PKP4: variants seen among roughly 807,000 people sequenced by gnomAD.
The protein encoded by PKP4 is plakophilin 4, also known as plakophilin-4.
PKP4 carries 90 observed loss-of-function variants against 145.1 expected under a neutral mutation model. The ratio of observed to expected loss-of-function variants is 0.62; its 90% confidence interval spans 0.52 to 0.74. The LOEUF (loss-of-function observed/expected upper bound fraction) is 0.74, where lower values mean the gene tolerates loss of function less well. Among genes scored for constraint, PKP4 ranks in the 30% least tolerant of loss-of-function variants. The pLI, the probability that PKP4 is intolerant of heterozygous loss-of-function variation, is 0.00. For synonymous variants in PKP4, 563 were observed against 577.2 expected (o/e 0.98, Z 0.35); for missense variants, 1,340 against 1,482.7 (o/e 0.90, Z 1.58).
At chr2:158,544,960 T>G (rs1307486605) in intron 2 of PKP4, among the ~76,000 whole-genome samples, 1 of 152,028 alleles carries the variant, frequency 6.6e-6, no homozygotes, top group Non-Finnish European at 1.5e-5. Flanking sequence ...TTCACAGGAC[T>G]AGGATTTGGT....
At chr2:158,532,222 A>AT (rs1307348913) in intron 1 of PKP4, among the ~76,000 whole-genome samples, 1 of 152,214 alleles carries the variant, frequency 6.6e-6, no homozygotes, top group African/African-American at 2.4e-5. Flanking sequence ...GTTGAGAAAA[A>AT]TATTTATAGT....
At chr2:158,618,564 TC>T (rs2051875480) in intron 4 of PKP4, among the ~76,000 whole-genome samples, 1 of 152,222 alleles carries the variant, frequency 6.6e-6, no homozygotes. Context: ...CAGTATGGAA[TC>T]ACATATCTCA....
At chr2:158,504,077 CCTTT>C (rs1308698189) in intron 1 of PKP4, among the ~76,000 whole-genome samples, 2 of 149,320 alleles carry the variant, frequency 1.3e-5, no homozygotes, top group Non-Finnish European at 3.0e-5. Context: ...TTTTAACTTC[CCTTT>C]CTTGTTGTTC....
At chr2:158,462,385 AAAG>A in intron 1 of PKP4, among the ~76,000 whole-genome samples, 1 of 151,466 alleles carries the variant, frequency 6.6e-6, no homozygotes, top group Non-Finnish European at 1.5e-5. Context: ...AAGAAAAAAA[AAAG>A]AACAAAAAAC....
intron 1 of PKP4, among the ~76,000 whole-genome samples, chr2:158,506,510 T>C (rs1313113645): frequency 6.6e-6 from 1 of 152,176 alleles, no homozygotes; most frequent in Non-Finnish European, 1.5e-5. Context: ...CACAAAAATG[T>C]TTAGATATGT....
rs762745688 is a variant in PKP4, at chr2:158,621,414, T to G, written c.596T>G (p.Leu199Arg). 3.7e-6 allele frequency: 6 copies of G among 1,613,800 alleles called. No homozygotes were observed. The South Asian group carries it at 5.5e-5, about 15-fold the overall frequency. ...VRNSRAEGQT[L>R]VQPSVANRAM... The stretch of plus-strand genomic sequence containing the variant: ...AATTCAAGAGCTGAAGGACAAACAC[T>G]GGTTCAGGTAAGCCAAACGCATCAA... Residue 199 changes from leucine (L) to arginine (R), a missense_variant, in exon 6 of 22, where the codon CTG (leucine) becomes CGG (arginine). Transcript: ENST00000389759.
In PKP4 at chr2:158,625,421, C is replaced by T; in HGVS notation, c.1147C>T (p.Leu383=). ...ERMVPPRPDS[L]TGLRSSYASQ... ...GATGGTTCCACCCAGGCCAGACAGC[C>T]TGACAGGTGCGTACAAGGTGACAGT... is the stretch of plus-strand genomic sequence containing the variant. The change falls in exon 7 of 22, where the codon CTG becomes TTG. Residue 383 remains leucine, a synonymous_variant. Transcript: ENST00000389759. 6.2e-7 allele frequency: 1 copy of T among 1,608,420 alleles called. No individual in the cohort carries two copies. Among genetic ancestry groups the T allele is most frequent in the Non-Finnish European group, 8.5e-7 (1 of 1,175,764 alleles).
In PKP4 at chr2:158,663,195, C is replaced by T. The variant is rs865884808; in HGVS notation, c.2404-77C>T. 1.6e-5 allele frequency: 24 copies of T among 1,528,550 alleles called. No individual in the cohort carries two copies. In the South Asian group the frequency reaches 2.3e-4, roughly 15 times the overall value. The allele number at this position is 1,528,550 out of a possible 1,614,324, so 94.7% of individuals were successfully genotyped here. ...TTTCTGCATAGCTATAGCTGAGTCC[C>T]GCAAAGGTGAATGTTTTCAAGTATT... On this transcript the variant is annotated intron_variant, in intron 14 of 21. Coordinates refer to ENST00000389759, the MANE Select transcript of PKP4 (RefSeq NM_003628.6).
At chr2:158,588,298 C>G (rs1472430171) in intron 3 of PKP4, 1 of 152,020 alleles carries the variant, frequency 6.6e-6, no homozygotes, top group Non-Finnish European at 1.5e-5. Flanking sequence ...AAAAAAGTTC[C>G]CGGTTCATTT....
At chr2:158,593,100 A>T (rs564424043) in intron 3 of PKP4, among the ~76,000 whole-genome samples, 1 of 152,270 alleles carries the variant, frequency 6.6e-6, no homozygotes, top group Admixed American at 6.5e-5. Context: ...AAATTTTTTT[A>T]AATTTCCTTT....
chr2:158,461,251 T>A (rs1347903875), intron 1 of PKP4, among the ~76,000 whole-genome samples: 2 of 152,232 alleles, frequency 1.3e-5, no homozygotes, highest in Admixed American at 6.5e-5. Context: ...TTGGGGATGT[T>A]ACATGATGGT....
intron 21 of PKP4, among the ~76,000 whole-genome samples, chr2:158,679,878 G>A (rs777836804): frequency 1.3e-5 from 2 of 152,178 alleles, no homozygotes; most frequent in Non-Finnish European, 2.9e-5. Context: ...AGTTTCCAAA[G>A]TGTGACTGTT....
chr2:158,662,724 T>A, intron 13 of PKP4, 173 bp from the exon 14 acceptor site: 1 of 530,248 alleles, frequency 1.9e-6, no homozygotes, highest in Non-Finnish European at 3.2e-6. Context: ...CATCTGGGTA[T>A]TCCACAAACA....
At chr2:158,642,018 G>GT (rs1377133393) in intron 10 of PKP4, among the ~76,000 whole-genome samples, 4 of 151,482 alleles carry the variant, frequency 2.6e-5, no homozygotes, top group African/African-American at 9.7e-5. Context: ...TTAGAATTCT[G>GT]TTTTTTTGGT....
chr2:158,562,897 G>C (rs1410426635), intron 2 of PKP4, among the ~76,000 whole-genome samples: 2 of 152,050 alleles, frequency 1.3e-5, no homozygotes, highest in African/African-American at 4.8e-5. Context: ...AGAATGATTA[G>C]GTAGATATAA....
rs528628822 is a variant in PKP4, at chr2:158,630,447, AT to A, written c.1154-1298del. ...CTTATAAAAACAGTTTTTGGGTTTG[AT>A]TTTTTTTAAAAGAAAGGAAAAACAA... is the stretch of plus-strand genomic sequence containing the variant. On this transcript the variant is annotated intron_variant, in intron 7 of 21. Transcript: ENST00000389759. Among the ~76,000 whole-genome samples, 229 of 152,250 alleles carry A rather than the reference AT, an allele frequency of 1.5e-3. 1 individual carries two copies. Among genetic ancestry groups the A allele is most frequent in the African/African-American group, 5.2e-3 (214 of 41,544 alleles).
intron 19 of PKP4, among the ~76,000 whole-genome samples, chr2:158,674,340 G>C (rs2057817871): frequency 6.6e-6 from 1 of 152,322 alleles, no homozygotes; most frequent in East Asian, 1.9e-4. Flanking sequence ...GACGCACTGG[G>C]TTATGCCTGA....
chr2:158,606,477 C>T (rs75301699), intron 4 of PKP4, among the ~76,000 whole-genome samples: 193 of 152,266 alleles, frequency 1.3e-3, no homozygotes, highest in African/African-American at 4.3e-3. Context: ...GCCTTCATCT[C>T]GACTTTCTTC....
intron 4 of PKP4, among the ~76,000 whole-genome samples, chr2:158,604,052 A>G (rs2050446664): frequency 6.6e-6 from 1 of 152,196 alleles, no homozygotes; most frequent in Non-Finnish European, 1.5e-5. Context: ...AAAGCTACCT[A>G]ACAATAAGGC....
Sources: gnomAD v4.1 joint callset for allele counts (sites outside exome capture counted in the v4.1 genomes callset) on GRCh38, gnomAD v4.1.1 for gene constraint, MANE v1.5 for transcripts, NCBI Gene and HGNC (gene_info 2026-07-23, HGNC 2026-07-21) for gene names.